The following BMAL1 variants were observed in gnomAD, a reference collection of about 807,000 sequenced individuals.
The protein encoded by BMAL1 is basic helix-loop-helix ARNT-like protein 1.
At chr11:13,314,907 G>C in the BMAL1 span, among the ~76,000 whole-genome samples, 1 of 152,262 alleles carries the variant, frequency 6.6e-6, no homozygotes, top group Non-Finnish European at 1.5e-5. Context: ...GGGGTCCCAA[G>C]TCAGCATCTG....
the BMAL1 span, among the ~76,000 whole-genome samples, chr11:13,386,154 G>A: frequency 2.0e-5 from 3 of 152,152 alleles, no homozygotes; most frequent in African/African-American, 7.2e-5. Context: ...AAAAGAGTTT[G>A]CTTTTCCCAT....
At chr11:13,341,456 G>A in the BMAL1 span, among the ~76,000 whole-genome samples, 3 of 152,014 alleles carry the variant, frequency 2.0e-5, no homozygotes, top group East Asian at 1.9e-4. Context: ...ACTGCGTCTC[G>A]GCCTGCCCTG....
the BMAL1 span, chr11:13,374,031 C>T: frequency 6.8e-7 from 1 of 1,466,124 alleles, no homozygotes; most frequent in Non-Finnish European, 9.5e-7. Context: ...TTATCCATTG[C>T]AAAGTTGCAA....
chr11:13,288,424 CTTTT>C, the BMAL1 span, among the ~76,000 whole-genome samples: 268 of 113,608 alleles, frequency 2.4e-3, 3 homozygotes, highest in African/African-American at 9.5e-3. Flanking sequence ...CTTTTTTTTT[CTTTT>C]TTTTTTTTTT....
the BMAL1 span, chr11:13,375,819 C>T: frequency 1.4e-6 from 2 of 1,476,314 alleles, no homozygotes; most frequent in Non-Finnish European, 1.8e-6. Context: ...GCCTAGGGTT[C>T]CTCATCTGGG....
the BMAL1 span, among the ~76,000 whole-genome samples, chr11:13,284,212 G>A: frequency 3.0e-4 from 4 of 13,262 alleles, no homozygotes; most frequent in African/African-American, 7.0e-4. Context: ...ATATATATGT[G>A]TATATATATA....
At chr11:13,376,496 A>G in the BMAL1 span, 1 of 793,916 alleles carries the variant, frequency 1.3e-6, no homozygotes, top group Non-Finnish European at 2.2e-6. Context: ...TCAAACAGTG[A>G]GACCTGTTTA....
At chr11:13,306,435 G>C in the BMAL1 span, among the ~76,000 whole-genome samples, 2 of 152,242 alleles carry the variant, frequency 1.3e-5, no homozygotes, top group Admixed American at 6.5e-5. Flanking sequence ...TCTAGCTAGA[G>C]CAGCTAGCTG....
At chr11:13,293,676 T>C in the BMAL1 span, among the ~76,000 whole-genome samples, 145,237 of 152,364 alleles carry the variant, frequency 0.95, 69,327 homozygotes, top group East Asian at 1. Context: ...TGTGTAAAAC[T>C]GGGTACCTAA....
chr11:13,367,705 A>G, the BMAL1 span, among the ~76,000 whole-genome samples: 1 of 109,114 alleles, frequency 9.2e-6, no homozygotes, highest in Non-Finnish European at 2.0e-5. Context: ...ACTCTGTCTC[A>G]GAAAAAAAAA....
At chr11:13,354,533 C>T in the BMAL1 span, 2 of 1,521,842 alleles carry the variant, frequency 1.3e-6, no homozygotes, top group South Asian at 2.5e-5. Flanking sequence ...GCTACTGTTT[C>T]ATCCTGGAAA....
the BMAL1 span, among the ~76,000 whole-genome samples, chr11:13,302,586 G>C: frequency 6.6e-6 from 1 of 152,228 alleles, no homozygotes; most frequent in Admixed American, 6.5e-5. Context: ...GGCTCTGTGT[G>C]TGGTTTATTT....
the BMAL1 span, among the ~76,000 whole-genome samples, chr11:13,361,837 G>T: frequency 6.6e-6 from 1 of 151,826 alleles, no homozygotes; most frequent in South Asian, 2.1e-4. Flanking sequence ...ACCTTTGCCA[G>T]GTCTAAGTAG....
At chr11:13,288,424 C>A in the BMAL1 span, among the ~76,000 whole-genome samples, 32 of 113,734 alleles carry the variant, frequency 2.8e-4, 1 homozygote, top group Middle Eastern at 3.9e-3. Flanking sequence ...CTTTTTTTTT[C>A]TTTTTTTTTT....
At chr11:13,335,825 ATGT>A in the BMAL1 span, among the ~76,000 whole-genome samples, 377 of 152,182 alleles carry the variant, frequency 2.5e-3, no homozygotes, top group Non-Finnish European at 4.6e-3. Context: ...ATTGATTTAC[ATGT>A]TGTCTTATTT....
At chr11:13,349,502 A>G in the BMAL1 span, among the ~76,000 whole-genome samples, 3 of 152,324 alleles carry the variant, frequency 2.0e-5, no homozygotes, top group East Asian at 3.9e-4. Context: ...TATCTCCCTC[A>G]TAGAGTTACT....
the BMAL1 span, among the ~76,000 whole-genome samples, chr11:13,324,435 T>G: frequency 2.0e-5 from 3 of 152,180 alleles, no homozygotes; most frequent in Non-Finnish European, 4.4e-5. Context: ...GTCCTCCGCC[T>G]GAGCTGCTCT....
the BMAL1 span, chr11:13,356,820 C>A: frequency 1.9e-6 from 3 of 1,613,798 alleles, no homozygotes; most frequent in African/African-American, 2.7e-5. Flanking sequence ...TCCTTATAGC[C>A]ATTTTCTTTG....
At chr11:13,294,837 C>T in the BMAL1 span, among the ~76,000 whole-genome samples, 1 of 152,188 alleles carries the variant, frequency 6.6e-6, no homozygotes, top group South Asian at 2.1e-4. Context: ...CTCTCTCGGG[C>T]CCCTGCCGTT....
Sources: allele counts gnomAD v4.1 joint callset (sites outside exome capture counted in the v4.1 genomes callset), GRCh38; gene constraint gnomAD v4.1.1; transcripts MANE v1.5; gene names NCBI Gene and HGNC (gene_info 2026-07-23, HGNC 2026-07-21).